AFF2: variants seen among roughly 807,000 people sequenced by gnomAD.
AFF2 encodes AF4/FMR2 family member 2.
In AFF2, 14 loss-of-function variants were observed where a neutral mutation model predicts 76.9. That is an observed-to-expected ratio of 0.18 (90% CI 0.12 to 0.28). The LOEUF is 0.28. Among genes scored for constraint, AFF2 ranks in the 10% least tolerant of loss-of-function variants. The pLI is 1.00. For synonymous variants in AFF2, 398 were observed against 366.7 expected (o/e 1.09, Z -0.98); for missense variants, 868 against 1,001.1 (o/e 0.87, Z 1.79).
At chrX:148,631,776 A>G (rs1336790296) in intron 1 of AFF2, among the ~76,000 whole-genome samples, 3 of 112,213 alleles carry the variant, frequency 2.7e-5, no homozygotes, top group African/African-American at 9.7e-5. Flanking sequence ...GGTAAGTGGG[A>G]GATAGCCTCA....
At chrX:148,974,345 T>A (rs1012995821) in intron 16 of AFF2, among the ~76,000 whole-genome samples, 4 of 111,161 alleles carry the variant, frequency 3.6e-5, no homozygotes, top group Non-Finnish European at 7.5e-5. Flanking sequence ...AATAATTTAA[T>A]CCACCCCTGA....
intron 1 of AFF2, among the ~76,000 whole-genome samples, chrX:148,600,364 C>T (rs1485564616): frequency 9.0e-6 from 1 of 111,656 alleles, no homozygotes; most frequent in African/African-American, 3.3e-5. Context: ...CATTGCTCCT[C>T]TGCCGGCCTA....
chrX:148,993,177 C>CTGA lies in AFF2; in HGVS notation c.*1848_*1850dup, dbSNP rs2072553138. On this transcript the variant is annotated 3_prime_UTR_variant, in exon 21 of 21. Coordinates refer to ENST00000370460, the MANE Select transcript of AFF2 (RefSeq NM_002025.4). ...GGCTGAAGCCATGTTGTTAATATGG[C>CTGA]TGATGGGAGCATCCCTGCAGCTGAA... is the stretch of plus-strand genomic sequence containing the variant. The CTGA allele has an allele frequency of 8.9e-6, 1 of 112,773 alleles. No individual in the cohort carries two copies. Among genetic ancestry groups the CTGA allele is most frequent in the African/African-American group, 3.2e-5 (1 of 30,941 alleles). 9.3% of individuals were successfully genotyped at this position (112,773 alleles called of 1,213,427 possible).
chrX:148,903,553 G>C (rs538056857), intron 8 of AFF2, among the ~76,000 whole-genome samples: 1 of 111,988 alleles, frequency 8.9e-6, no homozygotes, highest in South Asian at 3.8e-4. Flanking sequence ...CACTAAACTG[G>C]AACCGGGCTC....
rs1014516091 is a variant in AFF2, at chrX:148,940,959, T to G, written c.1398-12621T>G. Among the ~76,000 whole-genome samples the G allele has an allele frequency of 4.5e-5, 5 of 112,083 alleles. No homozygotes were observed. The East Asian group carries it at 1.1e-3, about 25-fold the overall frequency. ...AAGATTTTCAGGCAGACTAAAGATC[T>G]AGTATTTCCTATGCTGTCATTCAAA... On this transcript the variant is annotated intron_variant, in intron 9 of 20. Transcript: ENST00000370460.
intron 1 of AFF2, among the ~76,000 whole-genome samples, chrX:148,551,482 G>GAAAAAAA (rs781883999): frequency 4.7e-4 from 18 of 37,921 alleles, no homozygotes; most frequent in Admixed American, 1.8e-3. Flanking sequence ...GCTGGGAAGT[G>GAAAAAAA]AAAAAAAAAA....
intron 1 of AFF2, among the ~76,000 whole-genome samples, chrX:148,575,602 C>T (rs2053279240): frequency 9.1e-6 from 1 of 110,181 alleles, no homozygotes; most frequent in East Asian, 2.8e-4. Context: ...GAAAATTTGC[C>T]CTTCTTTCTT....
chrX:148,712,618 G>A (rs1471332582), intron 3 of AFF2, among the ~76,000 whole-genome samples: 1 of 112,024 alleles, frequency 8.9e-6, no homozygotes, highest in African/African-American at 3.2e-5. Context: ...TTTTTAATGA[G>A]TATAAAACTC....
At chrX:148,987,323 C>G in intron 19 of AFF2, 44 bp from the exon 20 acceptor site, 1 of 1,144,274 alleles carries the variant, frequency 8.7e-7, no homozygotes, top group Non-Finnish European at 1.2e-6. Context: ...CACTGTCACT[C>G]TTTCCTACCA....
intron 3 of AFF2, among the ~76,000 whole-genome samples, chrX:148,679,481 C>G (rs1274328625): frequency 3.6e-5 from 4 of 110,738 alleles, no homozygotes; most frequent in African/African-American, 6.6e-5. Context: ...TTATTTATTC[C>G]AATAATTAGT....
At chrX:148,614,631 TTC>T (rs1193082722) in intron 1 of AFF2, among the ~76,000 whole-genome samples, 49 of 106,653 alleles carry the variant, frequency 4.6e-4, no homozygotes, top group South Asian at 3.1e-3. Context: ...CTTTCTTTCT[TTC>T]TCTCTCTCTC....
At position 148,631,296 on chromosome X, in the gene AFF2, G is replaced by C. The variant is rs192415038; in HGVS notation, c.48-20703G>C. Among the ~76,000 whole-genome samples the C allele has an allele frequency of 1.5e-3, 163 of 111,631 alleles. 1 individual carries two copies. Among genetic ancestry groups the C allele is most frequent in the Admixed American group, 3.8e-3 (40 of 10,455 alleles). ...GATTTACAATTACATCTATAGAAAA[G>C]GAAAAAAGCTCTCAATTTTGCATAC... is the stretch of plus-strand genomic sequence containing the variant. On this transcript the variant is annotated intron_variant, in intron 1 of 20. Transcript: ENST00000370460.
intron 3 of AFF2, among the ~76,000 whole-genome samples, chrX:148,665,680 G>A (rs139456343): frequency 2.2e-4 from 24 of 111,554 alleles, no homozygotes; most frequent in Admixed American, 5.7e-4. Context: ...AATTTATGTG[G>A]CTAAAACTCT....
At chrX:148,871,177 G>A (rs1044380926) in intron 7 of AFF2, among the ~76,000 whole-genome samples, 6 of 111,248 alleles carry the variant, frequency 5.4e-5, no homozygotes, top group East Asian at 2.8e-4. Flanking sequence ...ACAGACAACC[G>A]GAAGAGAATT....
chrX:148,625,031 G>T (rs2053908718), intron 1 of AFF2, among the ~76,000 whole-genome samples: 1 of 110,607 alleles, frequency 9.0e-6, no homozygotes, highest in African/African-American at 3.3e-5. Flanking sequence ...AGATGAGTTT[G>T]TCTCTTGTGA....
chrX:148,909,418 A>T (rs554813625), intron 9 of AFF2, among the ~76,000 whole-genome samples: 1 of 112,135 alleles, frequency 8.9e-6, no homozygotes. Flanking sequence ...TAAACTTATT[A>T]GTGTATGGCT....
intron 1 of AFF2, among the ~76,000 whole-genome samples, chrX:148,574,379 C>T (rs2053262757): frequency 2.7e-5 from 3 of 111,012 alleles, no homozygotes; most frequent in Admixed American, 9.6e-5. Context: ...GGGTTGGTGT[C>T]GACAAGGCCA....
chrX:148,790,496 T>C (rs2069877729), intron 3 of AFF2, among the ~76,000 whole-genome samples: 1 of 111,805 alleles, frequency 8.9e-6, no homozygotes, highest in African/African-American at 3.3e-5. Context: ...CACCATGGAA[T>C]ACTATGTAGC....
intron 3 of AFF2, among the ~76,000 whole-genome samples, chrX:148,717,676 A>T (rs189045948): frequency 8.9e-6 from 1 of 111,862 alleles, no homozygotes; most frequent in Non-Finnish European, 1.9e-5. Context: ...AGCTGCAAAC[A>T]TACCAGGTAG....
Sources: gnomAD v4.1 joint callset for allele counts (sites outside exome capture counted in the v4.1 genomes callset) on GRCh38, gnomAD v4.1.1 for gene constraint, MANE v1.5 for transcripts, NCBI Gene and HGNC (gene_info 2026-07-23, HGNC 2026-07-21) for gene names.